The following CBLB variants were observed in gnomAD, a reference collection of about 807,000 sequenced individuals.
The protein encoded by CBLB is E3 ubiquitin-protein ligase CBL-B.
Under a neutral mutation model 104.9 loss-of-function variants are expected in CBLB, and 31 were observed. The observed-to-expected ratio is 0.30, with a 90% CI of 0.22 to 0.40. CBLB has a LOEUF of 0.40. CBLB is among the 10% of genes least tolerant of loss of function. The pLI is 1.00. For missense variants in CBLB, 1,062 were observed against 1,214.6 expected, an observed-to-expected ratio of 0.87 and a Z score of 1.87; for synonymous variants, 440 against 422.6, an observed-to-expected ratio of 1.04 and a Z score of -0.51.
chr3:105,851,382 G>C (rs2090934216), intron 3 of CBLB, among the ~76,000 whole-genome samples: 2 of 152,156 alleles, frequency 1.3e-5, no homozygotes, highest in South Asian at 2.1e-4. Flanking sequence ...TTCAGGGGGG[G>C]AAGTGAGACA....
At chr3:105,786,462 C>A (rs537650906) in intron 3 of CBLB, among the ~76,000 whole-genome samples, 26 of 152,236 alleles carry the variant, frequency 1.7e-4, no homozygotes, top group African/African-American at 6.3e-4. Flanking sequence ...GGCTTTCAAA[C>A]GGAGAAGGCA....
chr3:105,821,660 C>A (rs1263917277), intron 3 of CBLB, among the ~76,000 whole-genome samples: 1 of 152,172 alleles, frequency 6.6e-6, no homozygotes, highest in Non-Finnish European at 1.5e-5. Flanking sequence ...CTGCAATCAT[C>A]CAACCTATGA....
At chr3:105,843,465 ATTAAAGAAAACAGGGATTG>A (rs1349212259) in intron 3 of CBLB, among the ~76,000 whole-genome samples, 1 of 152,190 alleles carries the variant, frequency 6.6e-6, no homozygotes, top group East Asian at 1.9e-4. Context: ...TTATCACAAA[ATTAAAGAAAACAGGGATTG>A]TTAAGAAATA....
intron 2 of CBLB, among the ~76,000 whole-genome samples, chr3:105,864,672 C>G (rs987102945): frequency 6.6e-6 from 1 of 152,190 alleles, no homozygotes; most frequent in African/African-American, 2.4e-5. Context: ...AGGAACACAA[C>G]TGAGCAATTA....
chr3:105,774,368 A>AAT (rs1179198320), intron 4 of CBLB, among the ~76,000 whole-genome samples: 2 of 152,214 alleles, frequency 1.3e-5, no homozygotes, highest in Non-Finnish European at 2.9e-5. Flanking sequence ...ACAAGGTAAA[A>AAT]ACCTAGGAAG....
At chr3:105,683,822 G>A (rs533982633) in intron 14 of CBLB, among the ~76,000 whole-genome samples, 1 of 152,152 alleles carries the variant, frequency 6.6e-6, no homozygotes, top group Non-Finnish European at 1.5e-5. Flanking sequence ...ATAGCAAGGA[G>A]TGTTTAGGTT....
chr3:105,681,970 T>C, intron 14 of CBLB, 152 bp from the exon 15 acceptor site: 1 of 611,028 alleles, frequency 1.6e-6, no homozygotes, highest in Non-Finnish European at 2.9e-6. Context: ...AACATCAAGA[T>C]ACTCATCCCT....
chr3:105,720,839 A>T (rs16851512), intron 9 of CBLB, among the ~76,000 whole-genome samples: 10,429 of 152,270 alleles, frequency 0.068, 515 homozygotes, highest in Admixed American at 0.15. Flanking sequence ...CCTGACACAC[A>T]GCTCAAATAT....
intron 7 of CBLB, among the ~76,000 whole-genome samples, chr3:105,738,059 T>G (rs1450541070): frequency 6.6e-6 from 1 of 152,180 alleles, no homozygotes; most frequent in African/African-American, 2.4e-5. Flanking sequence ...TACTTATTTT[T>G]AATTGAAAAA....
At chr3:105,856,816 T>G (rs1245801069) in intron 2 of CBLB, among the ~76,000 whole-genome samples, 1 of 152,172 alleles carries the variant, frequency 6.6e-6, no homozygotes, top group East Asian at 1.9e-4. Context: ...CAGAGCTTTT[T>G]TTACCCCCTT....
intron 3 of CBLB, among the ~76,000 whole-genome samples, chr3:105,823,358 G>A (rs2086140700): frequency 6.6e-6 from 1 of 152,118 alleles, no homozygotes; most frequent in Non-Finnish European, 1.5e-5. Context: ...GTAGGGGAAG[G>A]GCGAGAAGGG....
chr3:105,823,917 T>C (rs773357442), intron 3 of CBLB, among the ~76,000 whole-genome samples: 2 of 152,164 alleles, frequency 1.3e-5, no homozygotes, highest in Non-Finnish European at 2.9e-5. Context: ...AACTCAACCC[T>C]ACCAAGCTGA....
chr3:105,845,040 A>G (rs1406270651), intron 3 of CBLB, among the ~76,000 whole-genome samples: 1 of 152,156 alleles, frequency 6.6e-6, no homozygotes, highest in East Asian at 1.9e-4. Flanking sequence ...GATTTTAATT[A>G]TCAAATTTTA....
At chr3:105,721,304 T>C (rs905552255) in intron 9 of CBLB, among the ~76,000 whole-genome samples, 5 of 152,184 alleles carry the variant, frequency 3.3e-5, no homozygotes, top group Admixed American at 2.6e-4. Flanking sequence ...CTTGGTTTAA[T>C]AGGAAATTAG....
At chr3:105,677,350 TAAAAA>T (rs59169680) in intron 17 of CBLB, among the ~76,000 whole-genome samples, 1 of 108,768 alleles carries the variant, frequency 9.2e-6, no homozygotes, top group Non-Finnish European at 2.1e-5. Context: ...TCAAACCAAG[TAAAAA>T]AAAAAAAAAA....
At chr3:105,689,198 A>AT (rs1418714074) in intron 13 of CBLB, among the ~76,000 whole-genome samples, 34 of 152,184 alleles carry the variant, frequency 2.2e-4, no homozygotes, top group Non-Finnish European at 4.1e-4. Flanking sequence ...AGGATAAAGG[A>AT]TTTTATCTTG....
chr3:105,830,863 G>T (rs544438604), intron 3 of CBLB, among the ~76,000 whole-genome samples: 56 of 152,266 alleles, frequency 3.7e-4, no homozygotes, highest in African/African-American at 1.3e-3. Flanking sequence ...GATATTAACT[G>T]ATTGCACATT....
intron 10 of CBLB, among the ~76,000 whole-genome samples, chr3:105,713,285 T>G (rs56010670): frequency 2.6e-5 from 4 of 151,558 alleles, no homozygotes; most frequent in Non-Finnish European, 5.9e-5. Context: ...ACAAGGCACA[T>G]AGATACTAAG....
intron 4 of CBLB, among the ~76,000 whole-genome samples, chr3:105,764,160 A>T (rs915913943): frequency 1.3e-5 from 2 of 152,172 alleles, no homozygotes; most frequent in African/African-American, 4.8e-5. Flanking sequence ...CAGAGAAGAG[A>T]ACAAATGTTT....
Sources: allele counts gnomAD v4.1 joint callset (sites outside exome capture counted in the v4.1 genomes callset), GRCh38; gene constraint gnomAD v4.1.1; transcripts MANE v1.5; gene names NCBI Gene and HGNC (gene_info 2026-07-23, HGNC 2026-07-21).